NTRK3: variants seen among roughly 807,000 people sequenced by gnomAD.
NTRK3 encodes neurotrophic receptor tyrosine kinase 3, also known as NT-3 growth factor receptor.
Under a neutral mutation model 91.7 loss-of-function variants are expected in NTRK3, and 24 were observed. That is an observed-to-expected ratio of 0.26 (90% confidence interval 0.19 to 0.37). NTRK3 has a LOEUF of 0.37. NTRK3 is among the 10% of genes least tolerant of loss of function. The pLI is 1.00. For synonymous variants in NTRK3, 483 were observed against 404.0 expected, an observed-to-expected ratio of 1.20 and a Z score of -2.34; for missense variants, 880 against 1,068.9, an observed-to-expected ratio of 0.82 and a Z score of 2.46.
intron 6 of NTRK3, chr15:88,144,137 A>T (rs934127211): frequency 3.3e-5 from 5 of 152,162 alleles, no homozygotes; most frequent in African/African-American, 1.2e-4. Flanking sequence ...TTTTGGACAG[A>T]CAGGTCTCAT....
chr15:88,034,866 A>T (rs1243982796), intron 13 of NTRK3, among the ~76,000 whole-genome samples: 1 of 152,220 alleles, frequency 6.6e-6, no homozygotes, highest in Non-Finnish European at 1.5e-5. Flanking sequence ...CCTTGCAAAA[A>T]AGAAGCCAGT....
chr15:87,876,631 T>C (rs1055838571), exon 19 of NTRK3: 2 of 214,584 alleles, frequency 9.3e-6, no homozygotes, highest in African/African-American at 4.5e-5. Context: ...GTTAAAGTCT[T>C]GTGGTTTTCT....
intron 14 of NTRK3, among the ~76,000 whole-genome samples, chr15:88,025,989 A>G (rs1449509967): frequency 6.6e-6 from 1 of 152,068 alleles, no homozygotes; most frequent in African/African-American, 2.4e-5. Context: ...CTGAGCTATC[A>G]GGCCAGGCAC....
intron 5 of NTRK3, among the ~76,000 whole-genome samples, chr15:88,162,210 C>T (rs147001756): frequency 6.6e-6 from 1 of 152,174 alleles, no homozygotes; most frequent in Non-Finnish European, 1.5e-5. Context: ...CACATTTTAG[C>T]TAGACAACTC....
intron 13 of NTRK3, among the ~76,000 whole-genome samples, chr15:88,110,146 G>A (rs2051169892): frequency 6.6e-6 from 1 of 152,088 alleles, no homozygotes; most frequent in Admixed American, 6.5e-5. Context: ...CCAGTAGGAT[G>A]ACTGGGGAAG....
At chr15:87,919,913 G>A (rs776331738) in intron 17 of NTRK3, among the ~76,000 whole-genome samples, 3 of 152,188 alleles carry the variant, frequency 2.0e-5, no homozygotes, top group Non-Finnish European at 4.4e-5. Context: ...CAACTTTGAC[G>A]TTATTATTCT....
At chr15:87,923,901 C>T (rs1400701408) in intron 17 of NTRK3, among the ~76,000 whole-genome samples, 1 of 152,076 alleles carries the variant, frequency 6.6e-6, no homozygotes, top group Non-Finnish European at 1.5e-5. Context: ...ATGTCTTCTG[C>T]CATGTTATGA....
At chr15:88,256,031 A>G (rs767197526) in exon 3 of NTRK3, 7 of 1,613,268 alleles carry the variant, frequency 4.3e-6, no homozygotes. Context: ...AATTGATCTC[A>G]GTCTTGCTGC....
intron 11 of NTRK3, among the ~76,000 whole-genome samples, chr15:88,127,925 T>A (rs2053461467): frequency 6.6e-6 from 1 of 152,172 alleles, no homozygotes; most frequent in Non-Finnish European, 1.5e-5. Context: ...ATGGCCCCAA[T>A]TCAGAATTCT....
Position 88,184,851 on chromosome 15 carries a change from C to G in NTRK3, c.249-552G>C, listed in dbSNP as rs537456979. On this transcript the variant is annotated intron_variant, in intron 3 of 18. Transcript: ENST00000394480. ...CCCTTTGGGTGACCCACAGCCCAAT[C>G]CCTCCTGGAGCTCAAAAAACCAATG... Among the ~76,000 whole-genome samples the G allele has an allele frequency of 8.5e-5, 13 of 152,352 alleles. No individual in the cohort carries two copies. The South Asian group carries it at 2.7e-3, about 32-fold the overall frequency.
chr15:87,987,420 A>T (rs1182472072), intron 14 of NTRK3, among the ~76,000 whole-genome samples: 1 of 152,118 alleles, frequency 6.6e-6, no homozygotes, highest in Admixed American at 6.5e-5. Flanking sequence ...GGTTTCCCCA[A>T]TTAAGGAACT....
At chr15:88,177,802 T>A (rs1420540588) in intron 5 of NTRK3, among the ~76,000 whole-genome samples, 2 of 152,232 alleles carry the variant, frequency 1.3e-5, no homozygotes, top group African/African-American at 2.4e-5. Context: ...GAGACCAACA[T>A]GTGTTGGGAG....
rs141106804 is a variant in NTRK3 at position 88,067,024 on chromosome 15, C to A, written c.1397-33979G>T. Among the ~76,000 whole-genome samples the A allele has an allele frequency of 2.8e-3, 426 of 152,330 alleles. 4 individuals are homozygous for A. The highest frequency in any genetic ancestry group is 9.9e-3 in the African/African-American group (411 of 41,574). On this transcript the variant is annotated intron_variant, in intron 13 of 18. Transcript: ENST00000394480. The stretch of plus-strand genomic sequence containing the variant: ...ATTCTCCCAGGTCTGCCTTCATCAT[C>A]CCCCATCCCACTCCAGCCCTACTGA...
chr15:88,002,733 G>A (rs1262713275), intron 14 of NTRK3, among the ~76,000 whole-genome samples: 1 of 143,988 alleles, frequency 6.9e-6, no homozygotes, highest in Non-Finnish European at 1.5e-5. Context: ...GAGAAAACAA[G>A]ATTCTTATGA....
At chr15:87,903,200 A>T (rs556896828) in intron 17 of NTRK3, among the ~76,000 whole-genome samples, 23 of 152,370 alleles carry the variant, frequency 1.5e-4, no homozygotes, top group African/African-American at 5.3e-4. Flanking sequence ...GAAATAGCAG[A>T]ACCCACATCA....
At chr15:87,928,805 C>A in intron 17 of NTRK3, 1 of 342,938 alleles carries the variant, frequency 2.9e-6, no homozygotes, top group South Asian at 5.0e-5. Context: ...GAGGCTAGAT[C>A]TGGGACTGGG....
At chr15:88,141,519 T>G (rs1383030987) in intron 6 of NTRK3, among the ~76,000 whole-genome samples, 1 of 152,212 alleles carries the variant, frequency 6.6e-6, no homozygotes, top group Non-Finnish European at 1.5e-5. Context: ...TGAATATATG[T>G]GAACTGAACC....
At chr15:87,941,544 T>A (rs2069853968) in intron 14 of NTRK3, among the ~76,000 whole-genome samples, 1 of 151,856 alleles carries the variant, frequency 6.6e-6, no homozygotes, top group Non-Finnish European at 1.5e-5. Flanking sequence ...AGTGACCCCA[T>A]CACAGTGCCT....
chr15:88,191,107 C>T (rs777849040), intron 3 of NTRK3, among the ~76,000 whole-genome samples: 5 of 151,438 alleles, frequency 3.3e-5, no homozygotes, highest in African/African-American at 1.2e-4. Context: ...CCTAAGCGTA[C>T]GACACTATCA....
Sources: gnomAD v4.1 joint callset for allele counts (sites outside exome capture counted in the v4.1 genomes callset) on GRCh38, gnomAD v4.1.1 for gene constraint, MANE v1.5 for transcripts, NCBI Gene and HGNC (gene_info 2026-07-23, HGNC 2026-07-21) for gene names.